PTPRM: variants seen among roughly 807,000 people sequenced by gnomAD.
PTPRM encodes the protein protein tyrosine phosphatase receptor type M, also known as receptor-type tyrosine-protein phosphatase mu.
A neutral mutation model predicts 186.7 loss-of-function variants in PTPRM; 47 were observed. The ratio of observed to expected loss-of-function variants is 0.25; its 90% CI spans 0.20 to 0.32. The LOEUF is 0.32. Among genes scored for constraint, PTPRM ranks in the 10% least tolerant of loss-of-function variants. PTPRM has a pLI of 1.00. For synonymous variants in PTPRM, 668 were observed against 674.9 expected (o/e 0.99, Z 0.16); for missense variants, 1,494 against 1,865.0 (o/e 0.80, Z 3.66).
At chr18:7,684,649 C>T (rs1255269082) in intron 1 of PTPRM, among the ~76,000 whole-genome samples, 1 of 152,172 alleles carries the variant, frequency 6.6e-6, no homozygotes, top group Admixed American at 6.5e-5. Flanking sequence ...CCCCAAGGTT[C>T]ATCCATGTTA....
chr18:7,892,246 A>G lies in PTPRM; in HGVS notation c.468+3869A>G, dbSNP rs555845955. 2.6e-5 allele frequency among the ~76,000 whole-genome samples: 4 copies of G among 152,316 alleles called. No individual in the cohort carries two copies. In the South Asian group the frequency reaches 6.2e-4, roughly 24 times the overall value. On this transcript the variant is annotated intron_variant, in intron 3 of 32. Transcript: ENST00000580170. ...AGACCATCACAGCCTCCAGAGCCAC[A>G]GTGTGCTGGTTTAGCGTGGCCTTGG... is the stretch of plus-strand genomic sequence containing the variant.
At chr18:7,928,633 C>T (rs2051308549) in intron 5 of PTPRM, among the ~76,000 whole-genome samples, 1 of 152,058 alleles carries the variant, frequency 6.6e-6, no homozygotes, top group African/African-American at 2.4e-5. Context: ...ACGTTTTGCT[C>T]CTAATATTTA....
At chr18:7,762,049 A>C (rs2041801564) in intron 1 of PTPRM, among the ~76,000 whole-genome samples, 1 of 152,184 alleles carries the variant, frequency 6.6e-6, no homozygotes, top group Non-Finnish European at 1.5e-5. Context: ...ATGAGTGGCA[A>C]ACACCTTTCC....
chr18:7,694,745 G>A (rs1030718371), intron 1 of PTPRM, among the ~76,000 whole-genome samples: 2 of 152,026 alleles, frequency 1.3e-5, no homozygotes, highest in African/African-American at 2.4e-5. Context: ...TTCCACAGCC[G>A]TATAAAATAT....
intron 2 of PTPRM, among the ~76,000 whole-genome samples, chr18:7,812,221 A>C (rs1371719014): frequency 6.6e-6 from 1 of 152,082 alleles, no homozygotes; most frequent in East Asian, 1.9e-4. Context: ...CACTTCCTTT[A>C]AGTATTACTT....
chr18:7,860,240 T>C (rs1250911102), intron 2 of PTPRM, among the ~76,000 whole-genome samples: 1 of 151,944 alleles, frequency 6.6e-6, no homozygotes, highest in African/African-American at 2.4e-5. Context: ...ACCCAGCTAA[T>C]TTTTGTATTT....
At chr18:7,761,113 A>G (rs1473343063) in intron 1 of PTPRM, among the ~76,000 whole-genome samples, 2 of 152,198 alleles carry the variant, frequency 1.3e-5, no homozygotes, top group Non-Finnish European at 2.9e-5. Flanking sequence ...TTAGTTCCCT[A>G]TATTTTAGCA....
chr18:8,172,124 T>C (rs927304455), intron 14 of PTPRM, among the ~76,000 whole-genome samples: 2 of 152,150 alleles, frequency 1.3e-5, no homozygotes, highest in African/African-American at 4.8e-5. Context: ...TACCCGATAC[T>C]GAGCAGTTTA....
chr18:7,726,466 T>G lies in PTPRM; in HGVS notation c.74-47683T>G, dbSNP rs560154745. ...TTAATAATATCATTTTATATTTAAT[T>G]TTTTAAGCTCTCATAGAAGGATTAC... On this transcript the variant is annotated intron_variant, in intron 1 of 32. Transcript: ENST00000580170. 3.9e-5 allele frequency among the ~76,000 whole-genome samples: 6 copies of G among 152,316 alleles called. No homozygotes were observed. The East Asian group carries it at 1.2e-3, about 29-fold the overall frequency.
At chr18:8,282,790 A>G (rs113485903) in intron 19 of PTPRM, among the ~76,000 whole-genome samples, 3,738 of 152,338 alleles carry the variant, frequency 0.025, 70 homozygotes, top group South Asian at 0.062. Flanking sequence ...AAATATCCAT[A>G]ACAGCTTTAT....
intron 7 of PTPRM, among the ~76,000 whole-genome samples, chr18:8,030,537 G>T (rs1016492783): frequency 1.3e-5 from 2 of 152,210 alleles, no homozygotes; most frequent in African/African-American, 4.8e-5. Flanking sequence ...ATAGCCTGTG[G>T]ACCTTGGGCA....
chr18:8,320,011 T>C (rs188054435), intron 22 of PTPRM, among the ~76,000 whole-genome samples: 1 of 152,032 alleles, frequency 6.6e-6, no homozygotes, highest in Non-Finnish European at 1.5e-5. Context: ...GAATGAGGCA[T>C]CCTAAAGGAT....
chr18:8,278,507 A>T (rs2094863661), intron 19 of PTPRM, among the ~76,000 whole-genome samples: 3 of 152,214 alleles, frequency 2.0e-5, no homozygotes, highest in Non-Finnish European at 4.4e-5. Context: ...TTCACTTCTG[A>T]TTGAGGGATT....
At chr18:7,690,995 T>C (rs1164713525) in intron 1 of PTPRM, among the ~76,000 whole-genome samples, 2 of 152,206 alleles carry the variant, frequency 1.3e-5, no homozygotes, top group Non-Finnish European at 2.9e-5. Flanking sequence ...AAAAGCTTAG[T>C]CCTATAACAC....
intron 5 of PTPRM, among the ~76,000 whole-genome samples, chr18:7,936,014 ACTTGCTCTT>A (rs1395160265): frequency 1.3e-5 from 2 of 152,202 alleles, no homozygotes; most frequent in Non-Finnish European, 2.9e-5. Flanking sequence ...CGGAAGGTTC[ACTTGCTCTT>A]CTTGCTTCCA....
chr18:8,362,713 A>G (rs887968300), intron 23 of PTPRM, among the ~76,000 whole-genome samples: 3 of 152,224 alleles, frequency 2.0e-5, no homozygotes, highest in Non-Finnish European at 2.9e-5. Context: ...TGGAATTAGC[A>G]TACTTCTGAC....
chr18:7,693,679 T>C (rs2039782857), intron 1 of PTPRM, among the ~76,000 whole-genome samples: 2 of 152,120 alleles, frequency 1.3e-5, no homozygotes, highest in Non-Finnish European at 2.9e-5. Flanking sequence ...GTAATATCAA[T>C]GAAGAACTCT....
chr18:8,327,147 G>A (rs979131188), intron 22 of PTPRM, among the ~76,000 whole-genome samples: 2 of 152,232 alleles, frequency 1.3e-5, no homozygotes, highest in African/African-American at 4.8e-5. Context: ...ATTGTGATCT[G>A]TGGAGAACTG....
At chr18:7,726,225 A>G (rs965510781) in intron 1 of PTPRM, among the ~76,000 whole-genome samples, 1 of 152,132 alleles carries the variant, frequency 6.6e-6, no homozygotes, top group Admixed American at 6.5e-5. Context: ...GATTTGAGTT[A>G]CATTTCTCTA....
Sources: gnomAD v4.1 joint callset for allele counts (sites outside exome capture counted in the v4.1 genomes callset) on GRCh38, gnomAD v4.1.1 for gene constraint, MANE v1.5 for transcripts, NCBI Gene and HGNC (gene_info 2026-07-23, HGNC 2026-07-21) for gene names.